The following NRCAM variants were observed in gnomAD, a reference collection of about 807,000 sequenced individuals.
The protein encoded by NRCAM is neuronal cell adhesion molecule, also known as NgCAM-related cell adhesion molecule.
Under a neutral mutation model 156.5 loss-of-function variants are expected in NRCAM, and 83 were observed. The observed-to-expected ratio is 0.53, with a 90% confidence interval of 0.44 to 0.64. The LOEUF (loss-of-function observed/expected upper bound fraction) is 0.64, where lower values mean the gene tolerates loss of function less well. Among genes scored for constraint, NRCAM ranks in the 30% least tolerant of loss-of-function variants. NRCAM has a pLI of 0.00. For missense variants in NRCAM, 1,417 were observed against 1,597.3 expected (o/e 0.89, Z 1.92); for synonymous variants, 538 against 563.9 (o/e 0.95, Z 0.65).
chr7:108,174,105 T>C (rs2059574178), intron 28 of NRCAM, among the ~76,000 whole-genome samples: 1 of 152,222 alleles, frequency 6.6e-6, no homozygotes, highest in East Asian at 1.9e-4. Context: ...TTAATTGATA[T>C]CTAATTATCA....
chr7:108,204,361 T>C (rs1179247047), intron 13 of NRCAM, among the ~76,000 whole-genome samples: 1 of 152,202 alleles, frequency 6.6e-6, no homozygotes, highest in East Asian at 1.9e-4. Flanking sequence ...CAGCAGAAGC[T>C]GCAGATGGGC....
At chr7:108,237,042 C>T (rs78852523) in intron 5 of NRCAM, among the ~76,000 whole-genome samples, 1,784 of 152,252 alleles carry the variant, frequency 0.012, 37 homozygotes, top group African/African-American at 0.04. Flanking sequence ...TTAACAAATG[C>T]TTTTCAGTAG....
intron 28 of NRCAM, among the ~76,000 whole-genome samples, chr7:108,170,799 A>C (rs888601428): frequency 3.9e-5 from 6 of 152,084 alleles, no homozygotes; most frequent in Admixed American, 6.6e-5. Context: ...AATCTAAAAA[A>C]GTTGTACTTA....
At chr7:108,356,624 TTAC>T (rs2099500953) in intron 2 of NRCAM, among the ~76,000 whole-genome samples, 1 of 152,190 alleles carries the variant, frequency 6.6e-6, no homozygotes, top group Non-Finnish European at 1.5e-5. Context: ...AAAATAATTA[TTAC>T]AGCCTGCCGA....
At chr7:108,174,672 T>C (rs1190800998) in intron 28 of NRCAM, among the ~76,000 whole-genome samples, 2 of 152,226 alleles carry the variant, frequency 1.3e-5, no homozygotes, top group Non-Finnish European at 2.9e-5. Flanking sequence ...AAATCCATTG[T>C]GGATTGTTGG....
chr7:108,188,095 GA>G (rs1437706326), intron 20 of NRCAM, among the ~76,000 whole-genome samples: 2 of 152,174 alleles, frequency 1.3e-5, no homozygotes, highest in Non-Finnish European at 2.9e-5. Flanking sequence ...GTGGGGGAGG[GA>G]AGGAGGAGTG....
chr7:108,447,187 C>A (rs1845277268), intron 1 of NRCAM, among the ~76,000 whole-genome samples: 1 of 151,684 alleles, frequency 6.6e-6, no homozygotes, highest in Non-Finnish European at 1.5e-5. Context: ...ATCATATAAT[C>A]CTTATGCAAA....
intron 1 of NRCAM, among the ~76,000 whole-genome samples, chr7:108,450,997 T>C (rs1849637362): frequency 6.6e-6 from 1 of 152,164 alleles, no homozygotes; most frequent in Admixed American, 6.5e-5. Context: ...GGTGGATGTA[T>C]CACCTGAGGT....
At chr7:108,200,737 TACACACACACACACACACACACACACAC>T (rs61489479) in intron 13 of NRCAM, among the ~76,000 whole-genome samples, 15 of 134,974 alleles carry the variant, frequency 1.1e-4, no homozygotes, top group South Asian at 5.3e-4. Context: ...GATAAAGAAA[TACACACACACACACACACACACACACAC>T]ACACACACAC....
intron 30 of NRCAM, among the ~76,000 whole-genome samples, chr7:108,161,009 C>T (rs1366415215): frequency 2.0e-5 from 3 of 152,194 alleles, no homozygotes; most frequent in African/African-American, 7.2e-5. Flanking sequence ...AAACGGTCCA[C>T]ACAAGAAACC....
At chr7:108,286,001 T>C (rs948287735) in intron 3 of NRCAM, among the ~76,000 whole-genome samples, 1 of 152,190 alleles carries the variant, frequency 6.6e-6, no homozygotes, top group Non-Finnish European at 1.5e-5. Flanking sequence ...CAAAAACGTA[T>C]GTATGGCTTA....
intron 3 of NRCAM, among the ~76,000 whole-genome samples, chr7:108,289,146 T>C (rs2098203552): frequency 6.6e-6 from 1 of 152,132 alleles, no homozygotes; most frequent in South Asian, 2.1e-4. Flanking sequence ...AAGAATTCGG[T>C]ATTCCATTAA....
At chr7:108,236,700 A>T (rs1326524005) in intron 5 of NRCAM, among the ~76,000 whole-genome samples, 1 of 152,178 alleles carries the variant, frequency 6.6e-6, no homozygotes, top group South Asian at 2.1e-4. Context: ...TTTTAAAATT[A>T]TTATCATAAT....
At chr7:108,419,832 G>A (rs1806843782) in intron 1 of NRCAM, among the ~76,000 whole-genome samples, 1 of 152,164 alleles carries the variant, frequency 6.6e-6, no homozygotes, top group Non-Finnish European at 1.5e-5. Flanking sequence ...AGGTTTTGAT[G>A]TCGGGGTGAG....
chr7:108,241,596 T>C (rs1024327544), intron 3 of NRCAM, among the ~76,000 whole-genome samples: 4 of 152,070 alleles, frequency 2.6e-5, no homozygotes, highest in Non-Finnish European at 5.9e-5. Flanking sequence ...AGGGCAGGGA[T>C]GGCATCTGTC....
chr7:108,289,740 T>A (rs1346921845), intron 3 of NRCAM, among the ~76,000 whole-genome samples: 1 of 152,146 alleles, frequency 6.6e-6, no homozygotes, highest in African/African-American at 2.4e-5. Flanking sequence ...AAAATTATTC[T>A]AACCCACTGG....
At chr7:108,422,841 G>T (rs894483453) in intron 1 of NRCAM, among the ~76,000 whole-genome samples, 1 of 152,148 alleles carries the variant, frequency 6.6e-6, no homozygotes, top group Non-Finnish European at 1.5e-5. Flanking sequence ...ATTCAGCCAC[G>T]TTCTGTAGTG....
At chr7:108,404,350 G>C (rs1288503922) in intron 1 of NRCAM, among the ~76,000 whole-genome samples, 4 of 152,146 alleles carry the variant, frequency 2.6e-5, no homozygotes, top group Non-Finnish European at 5.9e-5. Context: ...CTAAGACTTG[G>C]CAGCTCCTGC....
intron 1 of NRCAM, among the ~76,000 whole-genome samples, chr7:108,412,197 T>C (rs2154416173): frequency 6.6e-6 from 1 of 152,190 alleles, no homozygotes; most frequent in African/African-American, 2.4e-5. Context: ...AACTGAGTCT[T>C]GCCAAAGTTT....
Sources: allele counts gnomAD v4.1 joint callset (sites outside exome capture counted in the v4.1 genomes callset), GRCh38; gene constraint gnomAD v4.1.1; transcripts MANE v1.5; gene names NCBI Gene and HGNC (gene_info 2026-07-23, HGNC 2026-07-21).